The following PLEKHA1 variants were observed in gnomAD, a reference collection of about 807,000 sequenced individuals.
The protein encoded by PLEKHA1 is pleckstrin homology domain-containing family A member 1.
A neutral mutation model predicts 52.0 loss-of-function variants in PLEKHA1; 34 were observed. That is an observed-to-expected ratio of 0.65 (90% CI 0.50 to 0.87). The LOEUF is 0.87. Ranked by LOEUF, PLEKHA1 falls within the 40% of genes least tolerant of loss-of-function variation. The probability of loss-of-function intolerance (pLI) is 0.00; values close to 1 mark genes in which losing one functional copy is unlikely to be tolerated. For missense variants in PLEKHA1, 497 were observed against 504.2 expected (o/e 0.99, Z 0.14); for synonymous variants, 163 against 170.7 (o/e 0.95, Z 0.35).
chr10:122,411,651 GGGAATCT>G (rs1590724073), intron 5 of PLEKHA1: 1 of 152,128 alleles, frequency 6.6e-6, no homozygotes, highest in African/African-American at 2.4e-5. Flanking sequence ...TTCGAAGCAG[GGGAATCT>G]GAAGTTTTAA....
intron 2 of PLEKHA1, among the ~76,000 whole-genome samples, chr10:122,395,558 GAA>G (rs1462955445): frequency 6.6e-6 from 1 of 151,996 alleles, no homozygotes; most frequent in Admixed American, 6.6e-5. Flanking sequence ...TGAACCATAT[GAA>G]ATTGCTAATA....
chr10:122,398,255 A>G (rs1276585896), intron 3 of PLEKHA1, among the ~76,000 whole-genome samples: 1 of 152,058 alleles, frequency 6.6e-6, no homozygotes, highest in African/African-American at 2.4e-5. Context: ...AGTGAAACAA[A>G]TTCTATCTTG....
intron 10 of PLEKHA1, among the ~76,000 whole-genome samples, chr10:122,426,085 T>C (rs2097334709): frequency 6.6e-6 from 1 of 152,240 alleles, no homozygotes; most frequent in Non-Finnish European, 1.5e-5. Flanking sequence ...TGTGTTACTC[T>C]GTTCATGTGC....
At position 122,427,005 on chromosome 10, in the gene PLEKHA1, C is replaced by T. The variant is rs770827869; in HGVS notation, c.874C>T (p.Arg292Trp). ...AGTCTCTGGCGCCATTGTAGCACAG[C>T]GGGGTCCCGGCAGATCTGCGTCTTC... is the stretch of plus-strand genomic sequence containing the variant. ...KAVSGAIVAQ[R>W]GPGRSASSEH... Residue 292 changes from arginine to tryptophan, a missense_variant, in exon 11 of 12, where the codon CGG becomes TGG. Physicochemically the swap from Arg to Trp is moderately radical, Grantham distance 101. Transcript: ENST00000368990. 4.3e-6 allele frequency: 7 copies of T among 1,613,994 alleles called. No homozygotes were observed. Among genetic ancestry groups the T allele is most frequent in the African/African-American group, 1.3e-5 (1 of 75,032 alleles).
rs117243314 is a variant in PLEKHA1 at position 122,380,665 on chromosome 10, G to T, written c.-21+5859G>T. ...TTTAGGTTTTTACTTTGAGTGAGATGGGATCCCATTGAAACAGGTTGTCAA... is the reference window on the plus strand; with the variant it reads ...TTTAGGTTTTTACTTTGAGTGAGATTGGATCCCATTGAAACAGGTTGTCAA... On this transcript the variant is annotated intron_variant, in intron 1 of 11. Coordinates refer to ENST00000368990, the MANE Select transcript of PLEKHA1 (RefSeq NM_001001974.4). Among the ~76,000 whole-genome samples, 53 of 152,202 alleles carry T rather than the reference G, an allele frequency of 3.5e-4. 1 individual carries two copies. The East Asian group carries it at 9.5e-3, about 27-fold the overall frequency.
At chr10:122,406,531 G>A in intron 4 of PLEKHA1, 45 bp from the exon 5 acceptor site, 1 of 1,456,794 alleles carries the variant, frequency 6.9e-7, no homozygotes, top group Non-Finnish European at 9.6e-7. Context: ...TAAATTTAGA[G>A]GTAATAAGTA....
At chr10:122,406,963 A>G (rs1051437531) in intron 5 of PLEKHA1, among the ~76,000 whole-genome samples, 3 of 152,210 alleles carry the variant, frequency 2.0e-5, no homozygotes, top group African/African-American at 7.2e-5. Context: ...TAGCACGTAG[A>G]GTTCTACCGG....
At chr10:122,440,637 C>T in the PLEKHA1 span, 1 of 152,214 alleles carries the variant, frequency 6.6e-6, no homozygotes, top group African/African-American at 2.4e-5. Flanking sequence ...TTCATTGGAA[C>T]AGAATTCACT....
At chr10:122,402,473 C>T (rs1001469004) in intron 4 of PLEKHA1, among the ~76,000 whole-genome samples, 2 of 152,090 alleles carry the variant, frequency 1.3e-5, no homozygotes, top group Non-Finnish European at 2.9e-5. Context: ...TATCTGTAAC[C>T]CTCAGTGTAT....
chr10:122,410,654 A>G (rs2097094512), intron 5 of PLEKHA1, among the ~76,000 whole-genome samples: 1 of 152,238 alleles, frequency 6.6e-6, no homozygotes. Flanking sequence ...CTAGCATTTG[A>G]TTTTATTATA....
chr10:122,426,595 T>TAA (rs1194200349), intron 10 of PLEKHA1, among the ~76,000 whole-genome samples: 1 of 152,208 alleles, frequency 6.6e-6, no homozygotes, highest in African/African-American at 2.4e-5. Context: ...CACAACTACA[T>TAA]AAATATTCTT....
chr10:122,382,802 A>G (rs1255597307), intron 1 of PLEKHA1, among the ~76,000 whole-genome samples: 9 of 152,218 alleles, frequency 5.9e-5, no homozygotes, highest in Non-Finnish European at 1.0e-4. Flanking sequence ...TATTTTAAAT[A>G]TAATCATATC....
At chr10:122,425,023 A>G (rs1420752725) in intron 10 of PLEKHA1, 64 bp downstream of exon 10, 3 of 1,417,216 alleles carry the variant, frequency 2.1e-6, no homozygotes, top group Non-Finnish European at 2.9e-6. Flanking sequence ...TTAGAGGTGA[A>G]ATAAACATAA....
chr10:122,432,483 T>G (rs2097422834), downstream of PLEKHA1: 1 of 152,202 alleles, frequency 6.6e-6, no homozygotes, highest in South Asian at 2.1e-4. Flanking sequence ...TTTGCAAGAA[T>G]AAGAAACTTC....
At chr10:122,404,644 G>A (rs758180825) in intron 4 of PLEKHA1, among the ~76,000 whole-genome samples, 1 of 152,160 alleles carries the variant, frequency 6.6e-6, no homozygotes, top group Admixed American at 6.5e-5. Context: ...AGTGAATTAT[G>A]GATTTATCTT....
At chr10:122,419,444 T>G (rs2097225864) in intron 8 of PLEKHA1, 1 of 152,210 alleles carries the variant, frequency 6.6e-6, no homozygotes, top group African/African-American at 2.4e-5. Flanking sequence ...AGTACCTGCC[T>G]TGTTGTCTCA....
At chr10:122,380,146 T>A (rs1051234431) in intron 1 of PLEKHA1, among the ~76,000 whole-genome samples, 1 of 152,236 alleles carries the variant, frequency 6.6e-6, no homozygotes, top group African/African-American at 2.4e-5. Context: ...AAATGATTCT[T>A]GTCTGATGAG....
chr10:122,379,733 G>A (rs1360112488), intron 1 of PLEKHA1, among the ~76,000 whole-genome samples: 4 of 152,220 alleles, frequency 2.6e-5, no homozygotes, highest in African/African-American at 9.6e-5. Flanking sequence ...GTTTGTCAGT[G>A]ATTGTGGGGC....
downstream of PLEKHA1, chr10:122,434,122 A>C (rs1324786932): frequency 2.0e-5 from 3 of 151,962 alleles, no homozygotes; most frequent in Admixed American, 6.6e-5. Flanking sequence ...TTTCTTTCCC[A>C]TTGGGTCTTG....
Sources: gnomAD v4.1 joint callset for allele counts (sites outside exome capture counted in the v4.1 genomes callset) on GRCh38, gnomAD v4.1.1 for gene constraint, MANE v1.5 for transcripts, NCBI Gene and HGNC (gene_info 2026-07-23, HGNC 2026-07-21) for gene names.